The following DCLK1 variants were observed in gnomAD, a reference collection of about 807,000 sequenced individuals.
The protein encoded by DCLK1 is doublecortin like kinase 1.
In DCLK1, 16 loss-of-function variants were observed where a neutral mutation model predicts 86.2. That is an observed-to-expected ratio of 0.19 (90% CI 0.13 to 0.28). The LOEUF is 0.28. Among genes scored for constraint, DCLK1 ranks in the 10% least tolerant of loss-of-function variants. The pLI, the probability that DCLK1 is intolerant of heterozygous loss-of-function variation, is 1.00. For synonymous variants in DCLK1, 369 were observed against 370.5 expected (o/e 1.00, Z 0.05); for missense variants, 590 against 940.2 (o/e 0.63, Z 4.87).
chr13:35,979,382 A>G (rs1273367054), intron 3 of DCLK1, among the ~76,000 whole-genome samples: 1 of 152,224 alleles, frequency 6.6e-6, no homozygotes. Context: ...AGACAGCCAG[A>G]AAGAGGACAT....
At chr13:36,129,628 T>C (rs539060860) in intron 1 of DCLK1, among the ~76,000 whole-genome samples, 8 of 152,214 alleles carry the variant, frequency 5.3e-5, no homozygotes, top group Non-Finnish European at 1.2e-4. Flanking sequence ...GAAGATCCAC[T>C]GGCCTTCCAC....
chr13:35,947,279 A>T, intron 4 of DCLK1, 79 bp downstream of exon 4: 1 of 1,056,328 alleles, frequency 9.5e-7, no homozygotes, highest in Non-Finnish European at 1.4e-6. Context: ...TTTGGAGTTG[A>T]CATAATCTTG....
chr13:35,833,422 C>A (rs1052875794), intron 8 of DCLK1, among the ~76,000 whole-genome samples: 1 of 152,142 alleles, frequency 6.6e-6, no homozygotes, highest in African/African-American at 2.4e-5. Flanking sequence ...AAATGCTCCA[C>A]GAAACAGCTT....
chr13:35,965,700 G>T (rs1593775320), intron 3 of DCLK1, among the ~76,000 whole-genome samples: 1 of 152,088 alleles, frequency 6.6e-6, no homozygotes, highest in Admixed American at 6.6e-5. Context: ...AAGCCACTGA[G>T]AATCAACTAT....
chr13:36,127,494 G>C (rs539855666), intron 1 of DCLK1, among the ~76,000 whole-genome samples: 1 of 152,272 alleles, frequency 6.6e-6, no homozygotes, highest in South Asian at 2.1e-4. Flanking sequence ...GCATCTTTAA[G>C]CCTTGATTTC....
chr13:35,786,880 C>T (rs9565551), intron 16 of DCLK1, among the ~76,000 whole-genome samples: 1 of 152,090 alleles, frequency 6.6e-6, no homozygotes, highest in African/African-American at 2.4e-5. Context: ...AAATAGCCTT[C>T]TATGTCAAAA....
At chr13:36,108,288 A>C (rs1724954587) in intron 3 of DCLK1, among the ~76,000 whole-genome samples, 1 of 152,220 alleles carries the variant, frequency 6.6e-6, no homozygotes, top group African/African-American at 2.4e-5. Flanking sequence ...GCTCACACAT[A>C]GGCTGCTTAT....
At chr13:36,129,004 C>A (rs1380011565) in intron 1 of DCLK1, among the ~76,000 whole-genome samples, 1 of 152,164 alleles carries the variant, frequency 6.6e-6, no homozygotes. Context: ...TCACTAAGTT[C>A]TTCAACATTT....
intron 4 of DCLK1, among the ~76,000 whole-genome samples, chr13:35,928,388 C>T (rs1344399061): frequency 6.6e-6 from 1 of 152,154 alleles, no homozygotes; most frequent in East Asian, 1.9e-4. Flanking sequence ...GCTCCCTCTG[C>T]CCGGGGATGA....
intron 4 of DCLK1, among the ~76,000 whole-genome samples, chr13:35,941,172 T>C (rs1198668391): frequency 6.6e-6 from 1 of 152,154 alleles, no homozygotes; most frequent in Non-Finnish European, 1.5e-5. Context: ...ATTAGGTTGG[T>C]GCAAAAGTAA....
At chr13:35,857,228 G>A (rs369378011) in intron 5 of DCLK1, among the ~76,000 whole-genome samples, 31 of 152,010 alleles carry the variant, frequency 2.0e-4, no homozygotes, top group African/African-American at 7.3e-4. Context: ...CTTCTCTAGG[G>A]CATGTGCATT....
chr13:35,784,644 C>T (rs892494101), intron 16 of DCLK1, among the ~76,000 whole-genome samples: 1 of 152,126 alleles, frequency 6.6e-6, no homozygotes, highest in Non-Finnish European at 1.5e-5. Context: ...TATGACTTTT[C>T]GATGTGTTAA....
chr13:36,088,336 T>C (rs777617753), intron 3 of DCLK1, among the ~76,000 whole-genome samples: 3 of 152,174 alleles, frequency 2.0e-5, no homozygotes, highest in Non-Finnish European at 4.4e-5. Context: ...GGCACTCCCA[T>C]TGTGAGCAGG....
chr13:36,092,907 C>T (rs1157272001), intron 3 of DCLK1, among the ~76,000 whole-genome samples: 1 of 152,090 alleles, frequency 6.6e-6, no homozygotes, highest in Non-Finnish European at 1.5e-5. Flanking sequence ...TAGGCAAGAG[C>T]CCAGGCTGCA....
Position 35,905,258 on chromosome 13 carries a change from C to T in DCLK1, c.824-33918G>A, listed in dbSNP as rs544663354. ...GCCATTGGATAAACATTGTGTTTTC[C>T]ACCCCCAGCTCCAGAGGTGGGCCTT... On this transcript the variant is annotated intron_variant, in intron 4 of 16. Coordinates refer to ENST00000360631, the MANE Select transcript of DCLK1 (RefSeq NM_001330071.2). Among the ~76,000 whole-genome samples the T allele has an allele frequency of 4.6e-5, 7 of 152,330 alleles. No homozygotes were observed. The South Asian group carries it at 6.2e-4, about 14-fold the overall frequency.
upstream of DCLK1, among the ~76,000 whole-genome samples, chr13:36,131,872 T>G (rs1025823487): frequency 1.3e-5 from 2 of 152,170 alleles, no homozygotes; most frequent in African/African-American, 4.8e-5. Flanking sequence ...CAGTGCCTCT[T>G]CGGATGACCA....
intron 14 of DCLK1, among the ~76,000 whole-genome samples, chr13:35,806,539 A>C (rs1593609599): frequency 6.6e-6 from 1 of 152,202 alleles, no homozygotes; most frequent in Non-Finnish European, 1.5e-5. Flanking sequence ...CATGTCACAA[A>C]ATGGTTAGAT....
At chr13:35,815,951 C>T (rs946270546) in intron 11 of DCLK1, among the ~76,000 whole-genome samples, 2 of 152,074 alleles carry the variant, frequency 1.3e-5, no homozygotes, top group African/African-American at 4.8e-5. Context: ...AGTAAAATTG[C>T]TCTTCAATAT....
At chr13:36,011,149 C>T (rs1283368980) in intron 3 of DCLK1, among the ~76,000 whole-genome samples, 3 of 96,444 alleles carry the variant, frequency 3.1e-5, no homozygotes, top group African/African-American at 7.8e-5. Flanking sequence ...AGTGGTCTAT[C>T]AATTTTGTTG....
Sources: gnomAD v4.1 joint callset for allele counts (sites outside exome capture counted in the v4.1 genomes callset) on GRCh38, gnomAD v4.1.1 for gene constraint, MANE v1.5 for transcripts, NCBI Gene and HGNC (gene_info 2026-07-23, HGNC 2026-07-21) for gene names.